The following RIT2 variants were observed in gnomAD, a reference collection of about 807,000 sequenced individuals.
The protein encoded by RIT2 is Ras like without CAAX 2, also known as GTP-binding protein Rit2.
RIT2 carries 24 observed loss-of-function variants against 23.7 expected under a neutral mutation model. That is an observed-to-expected ratio of 1.01 (90% CI 0.73 to 1.43). RIT2 has a LOEUF of 1.43. RIT2 is among the 40% of genes most tolerant of loss of function. The pLI is 0.00. For missense variants in RIT2, 236 were observed against 266.9 expected (o/e 0.88, Z 0.81); for synonymous variants, 107 against 91.1 (o/e 1.17, Z -0.99).
chr18:42,800,767 G>A (rs900365318), intron 4 of RIT2, among the ~76,000 whole-genome samples: 2 of 151,952 alleles, frequency 1.3e-5, no homozygotes, highest in African/African-American at 2.4e-5. Context: ...TCCTGACCTC[G>A]TGATCCGCCC....
At chr18:42,975,647 G>C (rs1415731721) in intron 2 of RIT2, among the ~76,000 whole-genome samples, 1 of 151,988 alleles carries the variant, frequency 6.6e-6, no homozygotes, top group Admixed American at 6.6e-5. Flanking sequence ...GTCTGTAGTT[G>C]GGACAACAGT....
At position 43,015,687 on chromosome 18, in the gene RIT2, C is replaced by T. The variant is rs111802284; in HGVS notation, c.160+18124G>A. Reference sequence around the variant, plus strand: ...TACCTAGATTTATTGATCAGATATCCCAGAATGAGTTTCCAAAAGCAGCAG... The same window carrying T: ...TACCTAGATTTATTGATCAGATATCTCAGAATGAGTTTCCAAAAGCAGCAG... On this transcript the variant is annotated intron_variant, in intron 2 of 4. Transcript: ENST00000326695. Among the ~76,000 whole-genome samples, 739 of 151,598 alleles carry T rather than the reference C, an allele frequency of 4.9e-3. 10 individuals are homozygous for T. The highest frequency in any genetic ancestry group is 0.017 in the African/African-American group (706 of 41,426).
intron 2 of RIT2, among the ~76,000 whole-genome samples, chr18:42,995,837 T>C (rs1481011905): frequency 1.3e-5 from 2 of 152,160 alleles, no homozygotes; most frequent in Non-Finnish European, 2.9e-5. Flanking sequence ...ACTTGTCATC[T>C]CTACTATCTT....
intron 1 of RIT2, among the ~76,000 whole-genome samples, chr18:43,065,382 C>G (rs1048702584): frequency 6.6e-6 from 1 of 152,106 alleles, no homozygotes; most frequent in African/African-American, 2.4e-5. Context: ...AGGCCTGAAC[C>G]ACCAACATCG....
chr18:43,103,739 CAG>C (rs1237350386), intron 1 of RIT2, among the ~76,000 whole-genome samples: 2 of 152,056 alleles, frequency 1.3e-5, no homozygotes, highest in Non-Finnish European at 2.9e-5. Context: ...AGGTAGATGA[CAG>C]TGATGGAAGG....
chr18:42,820,203 G>A (rs1272953930), intron 4 of RIT2, among the ~76,000 whole-genome samples: 1 of 151,842 alleles, frequency 6.6e-6, no homozygotes, highest in East Asian at 1.9e-4. Context: ...TTCACCACTG[G>A]CATTCACCTT....
intron 4 of RIT2, among the ~76,000 whole-genome samples, chr18:42,858,470 G>A (rs1283959583): frequency 2.0e-5 from 3 of 152,166 alleles, no homozygotes; most frequent in Non-Finnish European, 4.4e-5. Flanking sequence ...GAAGTAGACA[G>A]TGCAGCGTTA....
chr18:42,996,262 C>T (rs1226074885), intron 2 of RIT2, among the ~76,000 whole-genome samples: 1 of 152,150 alleles, frequency 6.6e-6, no homozygotes, highest in Non-Finnish European at 1.5e-5. Flanking sequence ...GGTTCCCACG[C>T]TGCCCCTAAT....
chr18:42,931,065 T>C (rs909004278), intron 3 of RIT2, among the ~76,000 whole-genome samples: 11 of 152,118 alleles, frequency 7.2e-5, no homozygotes, highest in Non-Finnish European at 1.6e-4. Context: ...TGTAATTACG[T>C]GTGTTTTACT....
At chr18:43,049,907 C>T (rs903572105) in intron 1 of RIT2, among the ~76,000 whole-genome samples, 1 of 148,216 alleles carries the variant, frequency 6.7e-6, no homozygotes, top group African/African-American at 2.5e-5. Context: ...TCACCAAGGG[C>T]CCATTGTATC....
Position 42,934,289 on chromosome 18 carries a change from GC to G in RIT2, c.235-10527del, listed in dbSNP as rs1909401063. On this transcript the variant is annotated intron_variant, in intron 3 of 4. Transcript: ENST00000326695. ...TCATTGCACTTTTAGACTCAGGTGA[GC>G]TGTTCCATAACACAAAAACATCATC... Among the ~76,000 whole-genome samples, 4 of 152,268 alleles carry G rather than the reference GC, an allele frequency of 2.6e-5. No individual in the cohort carries two copies. The South Asian group carries it at 8.3e-4, about 32-fold the overall frequency.
chr18:42,796,195 T>C (rs1451993973), intron 4 of RIT2, among the ~76,000 whole-genome samples: 1 of 152,124 alleles, frequency 6.6e-6, no homozygotes, highest in Non-Finnish European at 1.5e-5. Flanking sequence ...GGTCTGCAGC[T>C]TCACTCCTGA....
intron 2 of RIT2, among the ~76,000 whole-genome samples, chr18:42,992,881 T>C (rs1028657644): frequency 6.6e-6 from 1 of 152,104 alleles, no homozygotes; most frequent in African/African-American, 2.4e-5. Context: ...CAGAAGGCCG[T>C]TTTATTATCA....
At chr18:42,828,952 G>A (rs1246916826) in intron 4 of RIT2, among the ~76,000 whole-genome samples, 1 of 152,150 alleles carries the variant, frequency 6.6e-6, no homozygotes, top group Non-Finnish European at 1.5e-5. Context: ...CACAGGTGCT[G>A]CCCTAGACTA....
At chr18:42,762,845 A>G (rs984377586) in intron 4 of RIT2, among the ~76,000 whole-genome samples, 6 of 152,174 alleles carry the variant, frequency 3.9e-5, no homozygotes, top group African/African-American at 1.2e-4. Flanking sequence ...TACACCCTCC[A>G]TAAATATTTA....
intron 4 of RIT2, among the ~76,000 whole-genome samples, chr18:42,768,954 G>T (rs1318042104): frequency 6.6e-6 from 1 of 152,066 alleles, no homozygotes; most frequent in Non-Finnish European, 1.5e-5. Context: ...TGGCTTCAGG[G>T]GTAGGCAAGT....
chr18:42,875,645 G>A (rs1315069973), intron 4 of RIT2, among the ~76,000 whole-genome samples: 1 of 151,768 alleles, frequency 6.6e-6, no homozygotes, highest in African/African-American at 2.4e-5. Context: ...GAATATAATT[G>A]GAAACCAGGA....
intron 4 of RIT2, among the ~76,000 whole-genome samples, chr18:42,914,709 G>A (rs945694639): frequency 2.6e-5 from 4 of 151,978 alleles, no homozygotes. Context: ...TGGTGGTTAA[G>A]CAGGCTACAC....
chr18:42,821,869 T>TA (rs1035017537), intron 4 of RIT2, among the ~76,000 whole-genome samples: 3 of 152,040 alleles, frequency 2.0e-5, no homozygotes, highest in African/African-American at 7.2e-5. Flanking sequence ...CTAAATGAAG[T>TA]AAAAAACACA....
Sources: gnomAD v4.1 joint callset for allele counts (sites outside exome capture counted in the v4.1 genomes callset) on GRCh38, gnomAD v4.1.1 for gene constraint, MANE v1.5 for transcripts, NCBI Gene and HGNC (gene_info 2026-07-23, HGNC 2026-07-21) for gene names.